CDH2: variants seen among roughly 807,000 people sequenced by gnomAD.
CDH2 encodes the protein cadherin-2.
A neutral mutation model predicts 92.0 loss-of-function variants in CDH2; 17 were observed. The observed-to-expected ratio is 0.18, with a 90% CI of 0.13 to 0.28. The LOEUF is 0.28. CDH2 is among the 10% of genes least tolerant of loss of function. The pLI is 1.00. For missense variants in CDH2, 862 were observed against 1,133.1 expected (o/e 0.76, Z 3.44); for synonymous variants, 419 against 415.9 (o/e 1.01, Z -0.09).
rs72631811 is a variant in CDH2 at position 27,985,237 on chromosome 18, T to C, written c.1976-4A>G. On this transcript the variant is annotated splice_polypyrimidine_tract_variant and splice_region_variant and intron_variant, in intron 12 of 15. Coordinates refer to ENST00000269141, the MANE Select transcript of CDH2 (RefSeq NM_001792.5). ...AAATTAAGCTGAGCAAAATCACCTA[T>C]ATGAAAAAGGAAAAACATAGTTTGA... The C allele has an allele frequency of 6.5e-6, 10 of 1,536,966 alleles. No individual in the cohort carries two copies. The East Asian group carries it at 9.0e-5, about 14-fold the overall frequency.
At chr18:27,946,552 A>G (rs1405773417), downstream of CDH2, among the ~76,000 whole-genome samples, 2 of 152,030 alleles carry the variant, frequency 1.3e-5, no homozygotes, top group African/African-American at 4.8e-5. Flanking sequence ...CCCCAAAATG[A>G]TAAAATTGTA....
Position 27,992,677 on chromosome 18 carries a change from T to C in CDH2, c.1322A>G (p.Asp441Gly). 1 of 1,613,302 alleles carries C rather than the reference T, an allele frequency of 6.2e-7. No individual in the cohort carries two copies. The highest frequency in any genetic ancestry group is 8.5e-7 in the Non-Finnish European group (1 of 1,179,552). ...TACTTTGACCACGGTGACTAACCCG[T>C]CGTTGCTGTTTGGGTCGGTCTGGAT... is the stretch of plus-strand genomic sequence containing the variant. ...FAIQTDPNSN[D>G]GLVTVVKPID... Residue 441 changes from aspartate to glycine, a missense_variant, in exon 9 of 16, where the codon GAC (aspartate) becomes GGC (glycine). Asp to Gly is a moderately conservative substitution (Grantham distance 94). This residue lies in a region of CDH2 where 564 missense variants were observed against 722.2 expected (regional missense o/e 0.78). Coordinates refer to ENST00000269141, the MANE Select transcript of CDH2 (RefSeq NM_001792.5).
intron 15 of CDH2, among the ~76,000 whole-genome samples, chr18:27,962,406 AATAAGT>A (rs1280847159): frequency 2.6e-5 from 4 of 152,206 alleles, no homozygotes; most frequent in Admixed American, 2.6e-4. Flanking sequence ...TTCTACAAGC[AATAAGT>A]ATATCTAAAA....
intron 9 of CDH2, 79 bp downstream of exon 9, chr18:27,992,576 G>A: frequency 8.2e-7 from 1 of 1,212,962 alleles, no homozygotes; most frequent in Non-Finnish European, 1.2e-6. Flanking sequence ...AGTTTCCATT[G>A]CAAAACAATG....
intron 2 of CDH2, among the ~76,000 whole-genome samples, chr18:28,092,335 C>T (rs572521731): frequency 6.6e-6 from 1 of 152,104 alleles, no homozygotes. Context: ...CAGGTCTCAC[C>T]TTAGCCTTTA....
At chr18:27,974,913 A>G (rs1036925445) in intron 14 of CDH2, among the ~76,000 whole-genome samples, 2 of 152,196 alleles carry the variant, frequency 1.3e-5, no homozygotes, top group Non-Finnish European at 2.9e-5. Flanking sequence ...TAAGCTACAC[A>G]GTTTATGAAA....
At chr18:28,155,639 T>A (rs1181472217) in intron 1 of CDH2, among the ~76,000 whole-genome samples, 3 of 152,316 alleles carry the variant, frequency 2.0e-5, no homozygotes, top group Non-Finnish European at 2.9e-5. Flanking sequence ...TGCGGTTATG[T>A]CTTCCAAACG....
chr18:27,990,487 G>A, intron 9 of CDH2, 137 bp from the exon 10 acceptor site: 2 of 734,908 alleles, frequency 2.7e-6, no homozygotes, highest in South Asian at 2.1e-5. Flanking sequence ...TCAAGTTTCT[G>A]GAAAACATGC....
intron 3 of CDH2, among the ~76,000 whole-genome samples, chr18:28,012,550 G>T (rs1415316697): frequency 6.6e-6 from 1 of 152,182 alleles, no homozygotes; most frequent in East Asian, 1.9e-4. Context: ...ATTAATCTCT[G>T]CTGGATGTCA....
At chr18:28,116,732 T>C (rs1357072837) in intron 2 of CDH2, among the ~76,000 whole-genome samples, 1 of 152,184 alleles carries the variant, frequency 6.6e-6, no homozygotes, top group Non-Finnish European at 1.5e-5. Context: ...TGTAATACAA[T>C]GAATGCTCAA....
At chr18:28,078,917 T>C (rs529720303) in intron 2 of CDH2, among the ~76,000 whole-genome samples, 20 of 152,240 alleles carry the variant, frequency 1.3e-4, no homozygotes, top group African/African-American at 4.8e-4. Flanking sequence ...CTCTGGACAT[T>C]AATAATAACC....
At chr18:28,103,045 T>C (rs2015252428) in intron 2 of CDH2, among the ~76,000 whole-genome samples, 1 of 151,222 alleles carries the variant, frequency 6.6e-6, no homozygotes, top group Non-Finnish European at 1.5e-5. Context: ...TACTTAACAC[T>C]AGGTACTCAG....
chr18:28,106,853 C>G (rs2015331090), intron 2 of CDH2, among the ~76,000 whole-genome samples: 1 of 152,048 alleles, frequency 6.6e-6, no homozygotes, highest in African/African-American at 2.4e-5. Context: ...TTACAGTTTA[C>G]CTAGTTACAC....
rs949320084 is a variant in CDH2 at position 28,102,592 on chromosome 18, T to C, written c.172+45081A>G. On this transcript the variant is annotated intron_variant, in intron 2 of 15. Coordinates refer to ENST00000269141, the MANE Select transcript of CDH2 (RefSeq NM_001792.5). Reference sequence around the variant, plus strand: ...GAGCAATTGCAGAGCAGATTATTTATTTTATAATGAATATGCAAATTATTC... The same window carrying C: ...GAGCAATTGCAGAGCAGATTATTTACTTTATAATGAATATGCAAATTATTC... 6.4e-4 allele frequency among the ~76,000 whole-genome samples: 97 copies of C among 152,150 alleles called. 6 individuals are homozygous for C. Among genetic ancestry groups the C allele is most frequent in the Non-Finnish European group, 2.2e-4 (15 of 68,028 alleles).
At chr18:28,061,801 T>G (rs575367572) in intron 2 of CDH2, among the ~76,000 whole-genome samples, 2 of 152,088 alleles carry the variant, frequency 1.3e-5, no homozygotes, top group African/African-American at 4.8e-5. Context: ...GCAGGCAAGA[T>G]AGCATGTGCA....
chr18:28,000,732 T>A (rs1263086086), intron 7 of CDH2, among the ~76,000 whole-genome samples: 2 of 152,072 alleles, frequency 1.3e-5, no homozygotes, highest in Admixed American at 6.5e-5. Context: ...AGCTGAAGAA[T>A]TAAAACTAAA....
At chr18:28,153,762 G>A (rs1010866139) in intron 1 of CDH2, among the ~76,000 whole-genome samples, 1 of 152,230 alleles carries the variant, frequency 6.6e-6, no homozygotes, top group Non-Finnish European at 1.5e-5. Context: ...GAGTTAATAT[G>A]TGTAAAGCAC....
At chr18:27,971,623 G>A (rs547742033) in intron 14 of CDH2, among the ~76,000 whole-genome samples, 1 of 152,136 alleles carries the variant, frequency 6.6e-6, no homozygotes, top group Non-Finnish European at 1.5e-5. Flanking sequence ...CCCTGGCCAC[G>A]AGTGTTTTGA....
intron 9 of CDH2, 106 bp from the exon 10 acceptor site, chr18:27,990,456 C>T: frequency 1.0e-6 from 1 of 1,001,478 alleles, no homozygotes; most frequent in East Asian, 2.5e-5. Context: ...TTTCTTCATT[C>T]ACTACATAAC....
Sources: allele counts gnomAD v4.1 joint callset (sites outside exome capture counted in the v4.1 genomes callset), GRCh38; gene constraint gnomAD v4.1.1; regional missense constraint gnomAD v4.1.1; transcripts MANE v1.5; gene names NCBI Gene and HGNC (gene_info 2026-07-23, HGNC 2026-07-21).